The following SCHIP1 variants were observed in gnomAD, a reference collection of about 807,000 sequenced individuals.
The protein encoded by SCHIP1 is schwannomin interacting protein 1, also known as schwannomin-interacting protein 1.
A neutral mutation model predicts 29.7 loss-of-function variants in SCHIP1; 8 were observed. That is an observed-to-expected ratio of 0.27 (90% CI 0.16 to 0.49). The LOEUF is 0.49. Among genes scored for constraint, SCHIP1 ranks in the 20% least tolerant of loss-of-function variants. The pLI, the probability that SCHIP1 is intolerant of heterozygous loss-of-function variation, is 0.99. For synonymous variants in SCHIP1, 76 were observed against 94.9 expected (o/e 0.80, Z 1.16); for missense variants, 193 against 294.6 (o/e 0.66, Z 2.52).
At chr3:159,430,742 A>G in the SCHIP1 span, among the ~76,000 whole-genome samples, 1 of 152,184 alleles carries the variant, frequency 6.6e-6, no homozygotes, top group Non-Finnish European at 1.5e-5. Flanking sequence ...AGATAGGGGC[A>G]GGGATAAGTC....
the SCHIP1 span, among the ~76,000 whole-genome samples, chr3:159,495,676 T>C: frequency 2.0e-5 from 3 of 152,164 alleles, no homozygotes; most frequent in Non-Finnish European, 4.4e-5. Flanking sequence ...AAAATGGCCA[T>C]ACTGCCCAAG....
At chr3:159,689,664 T>A in the SCHIP1 span, among the ~76,000 whole-genome samples, 3 of 152,196 alleles carry the variant, frequency 2.0e-5, no homozygotes, top group African/African-American at 7.2e-5. Flanking sequence ...GAGGGCATCC[T>A]TGTCGTGTGC....
chr3:159,586,697 G>C, the SCHIP1 span, among the ~76,000 whole-genome samples: 1 of 152,202 alleles, frequency 6.6e-6, no homozygotes, highest in South Asian at 2.1e-4. Context: ...GCTAGAAAAA[G>C]GAAAGATCCA....
At chr3:159,388,293 G>T in the SCHIP1 span, among the ~76,000 whole-genome samples, 1 of 151,992 alleles carries the variant, frequency 6.6e-6, no homozygotes, top group African/African-American at 2.4e-5. Context: ...ACCACCAATT[G>T]CACTTAGAAA....
chr3:159,297,457 A>G, the SCHIP1 span, among the ~76,000 whole-genome samples: 1 of 151,892 alleles, frequency 6.6e-6, no homozygotes, highest in Admixed American at 6.6e-5. Context: ...TGCTATTCTC[A>G]TTTTTCAGGG....
the SCHIP1 span, among the ~76,000 whole-genome samples, chr3:159,750,396 T>C: frequency 6.6e-6 from 1 of 151,644 alleles, no homozygotes; most frequent in Non-Finnish European, 1.5e-5. Flanking sequence ...ATAGTAGGGG[T>C]ATAGCCAAAT....
chr3:159,883,508 T>C (rs1470945344), intron 2 of SCHIP1, among the ~76,000 whole-genome samples: 2 of 152,116 alleles, frequency 1.3e-5, no homozygotes, highest in African/African-American at 4.8e-5. Flanking sequence ...GTGGCCCCAC[T>C]CATCCATTCA....
chr3:159,658,464 G>A, the SCHIP1 span, among the ~76,000 whole-genome samples: 5 of 152,172 alleles, frequency 3.3e-5, no homozygotes, highest in African/African-American at 1.2e-4. Flanking sequence ...TCGAGAACCT[G>A]AGAAAAATTA....
chr3:159,607,673 C>T, the SCHIP1 span, among the ~76,000 whole-genome samples: 2 of 152,168 alleles, frequency 1.3e-5, no homozygotes, highest in East Asian at 3.9e-4. Context: ...AGGTAGGAAA[C>T]CTAAGCGTAG....
At chr3:159,331,905 G>A in the SCHIP1 span, among the ~76,000 whole-genome samples, 4 of 152,042 alleles carry the variant, frequency 2.6e-5, no homozygotes, top group Non-Finnish European at 5.9e-5. Context: ...ATATCATCCC[G>A]TATCACTATT....
chr3:159,753,332 T>C, the SCHIP1 span, among the ~76,000 whole-genome samples: 12 of 152,192 alleles, frequency 7.9e-5, no homozygotes, highest in Non-Finnish European at 1.5e-4. Context: ...ATCTTAGATA[T>C]AGAACGTCCA....
At chr3:159,840,117 C>G (rs1744086811) in exon 1 of SCHIP1, 2 of 1,531,594 alleles carry the variant, frequency 1.3e-6, no homozygotes, top group Non-Finnish European at 1.7e-6. Context: ...GGTGGATGCT[C>G]CGCGCCTGCC....
At chr3:159,494,344 G>T in the SCHIP1 span, among the ~76,000 whole-genome samples, 5 of 152,044 alleles carry the variant, frequency 3.3e-5, no homozygotes, top group Admixed American at 6.6e-5. Flanking sequence ...CAACAAAATT[G>T]ATAGACCGCT....
At chr3:159,419,631 A>G in the SCHIP1 span, among the ~76,000 whole-genome samples, 28 of 152,134 alleles carry the variant, frequency 1.8e-4, 1 homozygote, top group Admixed American at 1.8e-3. Context: ...CAACATGGTG[A>G]AACCCCATCT....
chr3:159,497,038 AGGTGG>A, the SCHIP1 span, among the ~76,000 whole-genome samples: 22 of 152,294 alleles, frequency 1.4e-4, no homozygotes, highest in African/African-American at 4.6e-4. Flanking sequence ...TCTCACTCAT[AGGTGG>A]GAATTGAACA....
At chr3:159,506,568 T>A in the SCHIP1 span, among the ~76,000 whole-genome samples, 3 of 152,264 alleles carry the variant, frequency 2.0e-5, no homozygotes, top group African/African-American at 7.2e-5. Context: ...TGGTATTGCC[T>A]AGGTTTTCTC....
chr3:159,846,708 T>C (rs1711888323), intron 1 of SCHIP1, among the ~76,000 whole-genome samples: 1 of 152,320 alleles, frequency 6.6e-6, no homozygotes, highest in Non-Finnish European at 1.5e-5. Flanking sequence ...ATTTTTTTGA[T>C]GGGGAATTTT....
chr3:159,725,533 G>A, the SCHIP1 span, among the ~76,000 whole-genome samples: 1 of 152,160 alleles, frequency 6.6e-6, no homozygotes, highest in Non-Finnish European at 1.5e-5. Context: ...CCAAAGTGCT[G>A]CAATCACAGG....
chr3:159,806,158 GCATGTTATAC>G, the SCHIP1 span, among the ~76,000 whole-genome samples: 1 of 152,136 alleles, frequency 6.6e-6, no homozygotes, highest in Non-Finnish European at 1.5e-5. Flanking sequence ...TTTTGAAGCT[GCATGTTATAC>G]GAATGGGAAA....
Sources: gnomAD v4.1 joint callset for allele counts (sites outside exome capture counted in the v4.1 genomes callset) on GRCh38, gnomAD v4.1.1 for gene constraint, MANE v1.5 for transcripts, NCBI Gene and HGNC (gene_info 2026-07-23, HGNC 2026-07-21) for gene names.